The following RANBP9 variants were observed in gnomAD, a reference collection of about 807,000 sequenced individuals.
RANBP9 encodes RAN binding protein 9.
A neutral mutation model predicts 84.3 loss-of-function variants in RANBP9; 15 were observed. The ratio of observed to expected loss-of-function variants is 0.18; its 90% CI spans 0.12 to 0.27. The LOEUF is 0.27. Ranked by LOEUF, RANBP9 falls within the 10% of genes least tolerant of loss-of-function variation. RANBP9 has a pLI of 1.00. For synonymous variants in RANBP9, 392 were observed against 349.6 expected, an observed-to-expected ratio of 1.12 and a Z score of -1.35; for missense variants, 809 against 912.8, an observed-to-expected ratio of 0.89 and a Z score of 1.46.
intron 10 of RANBP9, among the ~76,000 whole-genome samples, chr6:13,635,254 C>A (rs1016969584): frequency 2.6e-5 from 4 of 152,196 alleles, no homozygotes; most frequent in Admixed American, 2.0e-4. Context: ...AGTTTTCACT[C>A]ATTCCACTCA....
chr6:13,704,769 G>C (rs189870765), intron 1 of RANBP9, among the ~76,000 whole-genome samples: 7 of 151,492 alleles, frequency 4.6e-5, no homozygotes, highest in African/African-American at 1.7e-4. Context: ...TCCTTCATTT[G>C]CAACACCTAG....
At chr6:13,707,005 C>CAA (rs34108954) in intron 1 of RANBP9, among the ~76,000 whole-genome samples, 2,557 of 122,230 alleles carry the variant, frequency 0.021, 34 homozygotes, top group South Asian at 0.063. Flanking sequence ...GACTCTGTCT[C>CAA]AAAAAAAAAA....
chr6:13,684,366 T>C (rs976524214), intron 2 of RANBP9, among the ~76,000 whole-genome samples: 1 of 152,232 alleles, frequency 6.6e-6, no homozygotes, highest in Non-Finnish European at 1.5e-5. Context: ...TCATTTTGTC[T>C]GAGTATATCA....
chr6:13,649,305 A>G (rs541458245), intron 5 of RANBP9, among the ~76,000 whole-genome samples: 94 of 152,308 alleles, frequency 6.2e-4, no homozygotes, highest in African/African-American at 2.2e-3. Context: ...CCTGAGGGAA[A>G]AAACATAACT....
intron 2 of RANBP9, among the ~76,000 whole-genome samples, chr6:13,692,446 G>A (rs1766343588): frequency 7.8e-6 from 1 of 128,912 alleles, no homozygotes; most frequent in Admixed American, 9.9e-5. Flanking sequence ...AGAATCACTT[G>A]AACCTGGGAG....
At chr6:13,628,608 AAACT>A (rs1264043535) in intron 12 of RANBP9, among the ~76,000 whole-genome samples, 3 of 152,216 alleles carry the variant, frequency 2.0e-5, no homozygotes, top group East Asian at 1.9e-4. Flanking sequence ...GTAAGCAACA[AAACT>A]AACAGAGCCT....
chr6:13,628,342 A>C (rs1764682222), intron 12 of RANBP9, among the ~76,000 whole-genome samples: 1 of 152,242 alleles, frequency 6.6e-6, no homozygotes, highest in South Asian at 2.1e-4. Flanking sequence ...GCTTACATGT[A>C]AATAAATAAC....
At chr6:13,644,162 A>G (rs1380056597) in intron 6 of RANBP9, among the ~76,000 whole-genome samples, 3 of 152,234 alleles carry the variant, frequency 2.0e-5, no homozygotes, top group African/African-American at 7.2e-5. Context: ...GATCCTGATT[A>G]TAAGATCTAG....
chr6:13,679,818 GTT>G (rs938189889), intron 2 of RANBP9, among the ~76,000 whole-genome samples: 5 of 152,072 alleles, frequency 3.3e-5, no homozygotes, highest in Admixed American at 1.3e-4. Context: ...GCGTTTTACT[GTT>G]TTGTTTTTCA....
intron 2 of RANBP9, among the ~76,000 whole-genome samples, chr6:13,696,436 C>A (rs889324212): frequency 1.3e-5 from 2 of 152,154 alleles, no homozygotes; most frequent in Non-Finnish European, 2.9e-5. Context: ...GAATCACCAA[C>A]TGACTATGAT....
intron 1 of RANBP9, among the ~76,000 whole-genome samples, chr6:13,703,905 A>G (rs902302049): frequency 2.0e-5 from 3 of 152,104 alleles, no homozygotes; most frequent in Non-Finnish European, 2.9e-5. Flanking sequence ...ATTTTTACTT[A>G]TCTCCAACTA....
At chr6:13,708,928 A>C (rs1435576619) in intron 1 of RANBP9, among the ~76,000 whole-genome samples, 2 of 152,186 alleles carry the variant, frequency 1.3e-5, no homozygotes, top group Non-Finnish European at 2.9e-5. Context: ...GAGACAAAGG[A>C]AAGATAGAAG....
In RANBP9 at chr6:13,627,766, A is replaced by G. The variant is rs1177006962; in HGVS notation, c.1948-2002T>C. Reference sequence around the variant, plus strand: ...TAAATTTAAAAAGAAATACTGAACAATTTTTCCAAGGAATACTTGGTAAAC... The same window carrying G: ...TAAATTTAAAAAGAAATACTGAACAGTTTTTCCAAGGAATACTTGGTAAAC... On this transcript the variant is annotated intron_variant, in intron 12 of 13. Transcript: ENST00000011619. 2.6e-5 allele frequency among the ~76,000 whole-genome samples: 4 copies of G among 152,144 alleles called. No individual in the cohort carries two copies. The East Asian group carries it at 7.7e-4, about 29-fold the overall frequency.
intron 2 of RANBP9, among the ~76,000 whole-genome samples, chr6:13,663,705 CAT>C (rs1218765989): frequency 1.3e-5 from 2 of 151,984 alleles, no homozygotes; most frequent in Non-Finnish European, 2.9e-5. Context: ...AAAACGATAA[CAT>C]ATGATTACTA....
At chr6:13,641,393 A>T (rs1765059332) in intron 7 of RANBP9, 86 bp from the exon 8 acceptor site, 5 of 744,064 alleles carry the variant, frequency 6.7e-6, no homozygotes, top group Admixed American at 3.0e-5. Flanking sequence ...AAAGTTAGTA[A>T]GAAATCTTTA....
rs993709837 is a variant in RANBP9, at chr6:13,711,693, G to A, written c.-188C>T. On this transcript the variant is annotated 5_prime_UTR_variant, in exon 1 of 14. Transcript: ENST00000011619. Reference sequence around the variant, plus strand: ...GCTCGGAGACGCGGGAGTAGGCGGCGGGCCCGGGAGGCCGGGAGAGAACGT... The same window carrying A: ...GCTCGGAGACGCGGGAGTAGGCGGCAGGCCCGGGAGGCCGGGAGAGAACGT... 2.8e-6 allele frequency: 1 copy of A among 357,882 alleles called. No individual in the cohort carries two copies. The highest frequency in any genetic ancestry group is 4.6e-6 in the Non-Finnish European group (1 of 218,534). The allele number at this position is 357,882 out of a possible 1,614,324, so 22.2% of individuals were successfully genotyped here. A position where few individuals can be genotyped will look rare whatever the true frequency, so the allele number is the denominator to read the frequency against.
intron 2 of RANBP9, among the ~76,000 whole-genome samples, chr6:13,664,169 T>C (rs1765594341): frequency 6.6e-6 from 1 of 152,016 alleles, no homozygotes; most frequent in Non-Finnish European, 1.5e-5. Flanking sequence ...TTTAGGAAGG[T>C]TGCAGGATAC....
intron 2 of RANBP9, among the ~76,000 whole-genome samples, chr6:13,689,970 A>C (rs1428149092): frequency 6.6e-6 from 1 of 152,166 alleles, no homozygotes; most frequent in Non-Finnish European, 1.5e-5. Flanking sequence ...TGTTGGACAG[A>C]CCAGGTATGT....
rs753751647 is a variant in RANBP9, at chr6:13,646,120, T to C, written c.928-1391A>G. The stretch of plus-strand genomic sequence containing the variant: ...AGAAAACTGAGACCTAAAGACTTTA[T>C]AGAAACAGGCCAGGCATGGTGGCTC... On this transcript the variant is annotated intron_variant, in intron 5 of 13. Coordinates refer to ENST00000011619, the MANE Select transcript of RANBP9 (RefSeq NM_005493.3). Among the ~76,000 whole-genome samples the C allele has an allele frequency of 7.1e-4, 108 of 152,072 alleles. 2 individuals carry two copies. The highest frequency in any genetic ancestry group is 7.2e-4 in the Admixed American group (11 of 15,270).
Sources: gnomAD v4.1 joint callset for allele counts (sites outside exome capture counted in the v4.1 genomes callset) on GRCh38, gnomAD v4.1.1 for gene constraint, MANE v1.5 for transcripts, NCBI Gene and HGNC (gene_info 2026-07-23, HGNC 2026-07-21) for gene names.